Variants in MTFR1 observed in about 807,000 individuals in gnomAD.
MTFR1 encodes the protein mitochondrial fission regulator 1, also known as chondrocyte protein with a poly-proline region.
MTFR1 carries 28 observed loss-of-function variants against 38.8 expected under a neutral mutation model. That is an observed-to-expected ratio of 0.72 (90% CI 0.53 to 0.99). The LOEUF is 0.99. Among genes scored for constraint, MTFR1 ranks in the 50% least tolerant of loss-of-function variants. The pLI is 0.00. For synonymous variants in MTFR1, 145 were observed against 137.0 expected (o/e 1.06, Z -0.41); for missense variants, 358 against 395.5 (o/e 0.91, Z 0.81).
intron 1 of MTFR1, among the ~76,000 whole-genome samples, chr8:65,669,659 C>G (rs1804507410): frequency 6.6e-6 from 1 of 151,900 alleles, no homozygotes; most frequent in African/African-American, 2.4e-5. Flanking sequence ...TCAAGCGATT[C>G]TCCTGCCTCG....
intron 3 of MTFR1, chr8:65,739,663 G>A (rs982757238): frequency 7.6e-7 from 1 of 1,313,440 alleles, no homozygotes; most frequent in Admixed American, 3.4e-5. Context: ...ATTATGCTTT[G>A]AAATACAGAT....
intron 2 of MTFR1, chr8:65,719,170 C>G: frequency 1.5e-6 from 1 of 671,288 alleles, no homozygotes; most frequent in Non-Finnish European, 2.7e-6. Flanking sequence ...ATAAATAATG[C>G]TGGCTGGCAT....
downstream of MTFR1, among the ~76,000 whole-genome samples, chr8:65,711,409 A>G (rs1364914781): frequency 6.6e-6 from 1 of 152,238 alleles, no homozygotes; most frequent in East Asian, 1.9e-4. Flanking sequence ...TTCCCCAGAA[A>G]TAAATAGAAG....
chr8:65,669,972 G>A lies in MTFR1; in HGVS notation c.20G>A (p.Arg7His), dbSNP rs370438318. ...ATATAAATGCTTGGCTGGATTAAGC[G>A]CCTAATTAGGATGGTTTTTCAACAA... MLGWIK[R>H]LIRMVFQQVG... is the part of the protein sequence containing the mutation. The change falls in exon 2 of 8, where the codon CGC becomes CAC. Residue 7 changes from arginine (R) to histidine (H), a missense_variant. Transcript: ENST00000262146. 67 of 1,601,564 alleles carry A rather than the reference G, an allele frequency of 4.2e-5. No homozygotes were observed. Among genetic ancestry groups the A allele is most frequent in the Admixed American group, 5.4e-5 (3 of 55,774 alleles).
At chr8:65,772,296 G>A (rs1453096827), downstream of MTFR1, among the ~76,000 whole-genome samples, 1 of 152,146 alleles carries the variant, frequency 6.6e-6, no homozygotes, top group African/African-American at 2.4e-5. Context: ...ATTTCAGCAT[G>A]CATGTAAATT....
At chr8:65,687,825 C>T (rs1422675458) in intron 3 of MTFR1, among the ~76,000 whole-genome samples, 2 of 151,938 alleles carry the variant, frequency 1.3e-5, no homozygotes, top group Admixed American at 6.6e-5. Context: ...TTCGGCTAGG[C>T]GCGGTGGCCC....
intron 2 of MTFR1, chr8:65,718,477 T>C (rs1334113351): frequency 6.6e-6 from 1 of 152,272 alleles, no homozygotes; most frequent in Non-Finnish European, 1.5e-5. Context: ...AAGTGTACAG[T>C]AGTGAAAACA....
At position 65,662,831 on chromosome 8, in the gene MTFR1, G is replaced by A. The variant is rs547845467; in HGVS notation, c.-80-7042G>A. Among the ~76,000 whole-genome samples, 11 of 151,132 alleles carry A rather than the reference G, an allele frequency of 7.3e-5. No homozygotes were observed. The South Asian group carries it at 2.1e-3, about 29-fold the overall frequency. On this transcript the variant is annotated intron_variant, in intron 1 of 7. Coordinates refer to ENST00000262146, the MANE Select transcript of MTFR1 (RefSeq NM_014637.4). Reference sequence around the variant, plus strand: ...GAGGTGGGGGTCAGCCCCCCGCCCGGCCATCCACCTCGTCCGGAAGGGAGG... The same window carrying A: ...GAGGTGGGGGTCAGCCCCCCGCCCGACCATCCACCTCGTCCGGAAGGGAGG...
At chr8:65,734,643 C>A in intron 3 of MTFR1, 1 of 568,980 alleles carries the variant, frequency 1.8e-6, no homozygotes, top group Non-Finnish European at 3.2e-6. Context: ...GAAACACAGC[C>A]AGATTCAGAA....
At chr8:65,711,899 C>A (rs1805957168), downstream of MTFR1, among the ~76,000 whole-genome samples, 1 of 152,136 alleles carries the variant, frequency 6.6e-6, no homozygotes, top group African/African-American at 2.4e-5. Flanking sequence ...GAGTAGAACA[C>A]AAGTGTCCTT....
In MTFR1 at chr8:65,730,171, C is replaced by CTTCTTTTTTTTTTTTTTTTTTTTTTT. The variant is rs1295965698; in HGVS notation, c.*48+10692_*48+10693insCTTTTTTTTTTTTTTTTTTTTTTTTT. ...TGTGAGGGATCCAGGTTGCGCACTTCTTTTTTTTTTTTTTTTTTTTTTTTT... is the reference window on the plus strand; with the variant it reads ...TGTGAGGGATCCAGGTTGCGCACTTCTTCTTTTTTTTTTTTTTTTTTTTTTTTTTTTTTTTTTTTTTTTTTTTTTTT... On this transcript the variant is annotated intron_variant, in intron 3 of 3. Transcript: ENST00000521247. 2.3e-5 allele frequency among the ~76,000 whole-genome samples: 2 copies of CTTCTTTTTTTTTTTTTTTTTTTTTTT among 86,434 alleles called. 1 individual carries two copies. The highest frequency in any genetic ancestry group is 9.6e-5 in the African/African-American group (2 of 20,908). The allele number at this position is 86,434 out of a possible 152,430, so 56.7% of individuals were successfully genotyped here.
chr8:65,723,495 A>G (rs1806478031), intron 3 of MTFR1: 2 of 1,387,084 alleles, frequency 1.4e-6, no homozygotes, highest in East Asian at 2.7e-5. Context: ...CTTGATAAAA[A>G]CAGTGGCATT....
At chr8:65,651,400 C>T (rs1289008123) in intron 1 of MTFR1, among the ~76,000 whole-genome samples, 1 of 152,148 alleles carries the variant, frequency 6.6e-6, no homozygotes, top group Non-Finnish European at 1.5e-5. Context: ...GAGAGTTTCC[C>T]CCAGTGTTTT....
chr8:65,644,373 C>T (rs983148167), upstream of MTFR1, among the ~76,000 whole-genome samples: 3 of 152,156 alleles, frequency 2.0e-5, no homozygotes, highest in Non-Finnish European at 4.4e-5. Context: ...AAATGGGCTC[C>T]ACATGTTAGG....
At chr8:65,697,335 C>T (rs1156638489) in intron 4 of MTFR1, among the ~76,000 whole-genome samples, 1 of 152,152 alleles carries the variant, frequency 6.6e-6, no homozygotes, top group Non-Finnish European at 1.5e-5. Context: ...TAAGAATGGC[C>T]ACGGGCGTGC....
chr8:65,747,954 C>CTATTT (rs775977019), intron 3 of MTFR1: 2 of 480,400 alleles, frequency 4.2e-6, no homozygotes, highest in East Asian at 3.3e-5. Flanking sequence ...TACTTTATTT[C>CTATTT]TATTTTATTT....
At chr8:65,752,110 T>A (rs1476512829) in intron 3 of MTFR1, among the ~76,000 whole-genome samples, 1 of 152,358 alleles carries the variant, frequency 6.6e-6, no homozygotes, top group Admixed American at 6.5e-5. Context: ...TGAGATATCA[T>A]CCTCTAATTT....
At chr8:65,729,364 CTTTTTTTTTT>C (rs10540107) in intron 3 of MTFR1, among the ~76,000 whole-genome samples, 5 of 80,076 alleles carry the variant, frequency 6.2e-5, no homozygotes, top group African/African-American at 1.0e-4. Context: ...TTGGTGGTAG[CTTTTTTTTTT>C]TTTTTTTTTT....
chr8:65,716,177 GA>G lies in MTFR1; in HGVS notation c.382-3201del, dbSNP rs567149972. Reference sequence around the variant, plus strand: ...AAAAAAAAAAAACAAAAGGGCTATAGAAGGTGATTCCCACATATACATAATA... The same window carrying G: ...AAAAAAAAAAAACAAAAGGGCTATAGAGGTGATTCCCACATATACATAATA... On this transcript the variant is annotated intron_variant, in intron 2 of 3. Coordinates refer to the MTFR1 transcript ENST00000521247. 6.2e-4 allele frequency among the ~76,000 whole-genome samples: 93 copies of G among 149,376 alleles called. 1 individual carries two copies. The highest frequency in any genetic ancestry group is 1.6e-3 in the African/African-American group (65 of 40,818).
Sources: allele counts gnomAD v4.1 joint callset (sites outside exome capture counted in the v4.1 genomes callset), GRCh38; gene constraint gnomAD v4.1.1; transcripts MANE v1.5; gene names NCBI Gene and HGNC (gene_info 2026-07-23, HGNC 2026-07-21).